The following RYR2 variants were observed in gnomAD, a reference collection of about 807,000 sequenced individuals.
The protein encoded by RYR2 is cardiac muscle ryanodine receptor-calcium release channel.
In RYR2, 227 loss-of-function variants were observed where a neutral mutation model predicts 601.1. The ratio of observed to expected loss-of-function variants is 0.38; its 90% CI spans 0.34 to 0.42. The LOEUF is 0.42. Ranked by LOEUF, RYR2 falls within the 10% of genes least tolerant of loss-of-function variation. The pLI, the probability that RYR2 is intolerant of heterozygous loss-of-function variation, is 1.00. For synonymous variants in RYR2, 2,223 were observed against 2,175.1 expected (o/e 1.02, Z -0.61); for missense variants, 4,646 against 6,156.5 (o/e 0.75, Z 8.21).
chr1:237,565,819 C>T (rs375155085), intron 27 of RYR2, among the ~76,000 whole-genome samples: 1 of 152,308 alleles, frequency 6.6e-6, no homozygotes, highest in African/African-American at 2.4e-5. Flanking sequence ...CTGGGTTCCT[C>T]ATTCTGAGAC....
At chr1:237,831,636 G>C in intron 104 of RYR2, 71 bp downstream of exon 104, 1 of 915,780 alleles carries the variant, frequency 1.1e-6, no homozygotes, top group Non-Finnish European at 1.7e-6. Context: ...AACAAAATGT[G>C]TGCATTAAAC....
At chr1:237,670,017 G>C (rs951840603) in intron 58 of RYR2, among the ~76,000 whole-genome samples, 3 of 152,020 alleles carry the variant, frequency 2.0e-5, no homozygotes, top group Non-Finnish European at 4.4e-5. Flanking sequence ...CTGAGTGAAC[G>C]AGACTCCGTC....
intron 66 of RYR2, among the ~76,000 whole-genome samples, chr1:237,703,983 T>G (rs1231465135): frequency 6.6e-6 from 1 of 152,130 alleles, no homozygotes; most frequent in Non-Finnish European, 1.5e-5. Context: ...AGCAAACTGA[T>G]AAATATTATA....
At chr1:237,604,847 A>C (rs1000121358) in intron 35 of RYR2, among the ~76,000 whole-genome samples, 3 of 152,152 alleles carry the variant, frequency 2.0e-5, no homozygotes, top group African/African-American at 7.2e-5. Context: ...TCCTCGACAC[A>C]TACACCCTCC....
chr1:237,112,527 GGGA>G (rs1176277984), intron 1 of RYR2, among the ~76,000 whole-genome samples: 5 of 150,564 alleles, frequency 3.3e-5, no homozygotes, highest in African/African-American at 9.8e-5. Flanking sequence ...CCTTTAGGCA[GGGA>G]GGAGAACTTC....
chr1:237,136,312 A>G (rs1053028265), intron 1 of RYR2, among the ~76,000 whole-genome samples: 3 of 152,198 alleles, frequency 2.0e-5, no homozygotes, highest in Admixed American at 6.5e-5. Flanking sequence ...GCAGAGTTGC[A>G]TAAGGGGCTG....
At chr1:237,248,923 G>T (rs939194120) in intron 1 of RYR2, among the ~76,000 whole-genome samples, 1 of 152,024 alleles carries the variant, frequency 6.6e-6, no homozygotes, top group East Asian at 1.9e-4. Context: ...CACCACGTCC[G>T]GCTAATGTTT....
chr1:237,471,620 T>G (rs1660732135), intron 17 of RYR2, among the ~76,000 whole-genome samples: 1 of 151,860 alleles, frequency 6.6e-6, no homozygotes, highest in African/African-American at 2.4e-5. Flanking sequence ...AGCGAAATGC[T>G]TAACTGGAAA....
At chr1:237,308,219 G>A (rs544649517) in intron 2 of RYR2, among the ~76,000 whole-genome samples, 145 of 152,210 alleles carry the variant, frequency 9.5e-4, no homozygotes, top group African/African-American at 3.3e-3. Flanking sequence ...TAATAATATC[G>A]ATTCTTGCAA....
intron 63 of RYR2, among the ~76,000 whole-genome samples, chr1:237,696,010 C>T (rs1452970754): frequency 2.0e-5 from 3 of 152,174 alleles, no homozygotes; most frequent in Admixed American, 1.3e-4. Context: ...ACTCTTCTTA[C>T]ATCCCAGAGA....
chr1:237,711,452 G>A (rs551210115), intron 70 of RYR2, among the ~76,000 whole-genome samples: 1 of 152,272 alleles, frequency 6.6e-6, no homozygotes, highest in South Asian at 2.1e-4. Context: ...CAGCTAACCA[G>A]GCGTTTGAAT....
chr1:237,536,602 C>T (rs1008833356), intron 25 of RYR2, among the ~76,000 whole-genome samples: 8 of 151,232 alleles, frequency 5.3e-5, no homozygotes, highest in Non-Finnish European at 8.8e-5. Flanking sequence ...GTAGTCCCTG[C>T]TACTGGGGAG....
intron 1 of RYR2, among the ~76,000 whole-genome samples, chr1:237,108,631 G>A (rs544662525): frequency 2.0e-5 from 3 of 152,212 alleles, no homozygotes; most frequent in Non-Finnish European, 4.4e-5. Context: ...AAGTAGAGAG[G>A]GCTGAGAGAG....
chr1:237,072,816 C>T (rs543250661), intron 1 of RYR2, among the ~76,000 whole-genome samples: 6 of 151,972 alleles, frequency 3.9e-5, no homozygotes, highest in Non-Finnish European at 5.9e-5. Context: ...GGCGTGGTGG[C>T]AGTCACCTGT....
At chr1:237,359,192 T>C (rs751908913) in intron 4 of RYR2, among the ~76,000 whole-genome samples, 16 of 152,148 alleles carry the variant, frequency 1.1e-4, no homozygotes, top group Non-Finnish European at 2.2e-4. Flanking sequence ...TTACATTAGC[T>C]TACAGTGGGG....
At chr1:237,264,591 T>C (rs1688854690) in intron 1 of RYR2, among the ~76,000 whole-genome samples, 1 of 152,202 alleles carries the variant, frequency 6.6e-6, no homozygotes, top group Non-Finnish European at 1.5e-5. Flanking sequence ...TATCCATTCA[T>C]TCAACTACTA....
intron 2 of RYR2, among the ~76,000 whole-genome samples, chr1:237,284,601 CACACAT>C (rs1163606019): frequency 1.1e-5 from 1 of 93,898 alleles, no homozygotes; most frequent in African/African-American, 6.8e-5. Context: ...CAGACCCACA[CACACAT>C]ACACACCACA....
At chr1:237,389,869 G>A (rs1702237487) in intron 10 of RYR2, among the ~76,000 whole-genome samples, 1 of 152,130 alleles carries the variant, frequency 6.6e-6, no homozygotes, top group Non-Finnish European at 1.5e-5. Flanking sequence ...ATATTTAAAG[G>A]AATGGGGTCT....
At chr1:237,274,432 G>A (rs1288260355) in intron 2 of RYR2, among the ~76,000 whole-genome samples, 2 of 151,792 alleles carry the variant, frequency 1.3e-5, no homozygotes, top group African/African-American at 4.8e-5. Flanking sequence ...TAAAAAATAG[G>A]AAAGAGGTGT....
Sources: gnomAD v4.1 joint callset for allele counts (sites outside exome capture counted in the v4.1 genomes callset) on GRCh38, gnomAD v4.1.1 for gene constraint, MANE v1.5 for transcripts, NCBI Gene and HGNC (gene_info 2026-07-23, HGNC 2026-07-21) for gene names.